The following CACNA1H variants were observed in gnomAD, a reference collection of about 807,000 sequenced individuals.
The protein encoded by CACNA1H is calcium voltage-gated channel subunit alpha1 H.
CACNA1H carries 149 observed loss-of-function variants against 192.5 expected under a neutral mutation model. That is an observed-to-expected ratio of 0.77 (90% confidence interval 0.68 to 0.89). CACNA1H has a LOEUF of 0.89. Among genes scored for constraint, CACNA1H ranks in the 40% least tolerant of loss-of-function variants. CACNA1H has a pLI of 0.00. For missense variants in CACNA1H, 4,257 were observed against 3,423.5 expected (o/e 1.24, Z -6.08); for synonymous variants, 2,202 against 1,475.2 (o/e 1.49, Z -11.29).
chr16:1,211,625 C>T lies in CACNA1H; in HGVS notation c.4476+19C>T, dbSNP rs780330955. 5.1e-5 allele frequency: 82 copies of T among 1,608,778 alleles called. No homozygotes were observed. The South Asian group carries it at 5.3e-4, about 10-fold the overall frequency. ...GGGCCAGGTGGGCTGGGCGGCCGGG[C>T]GGGAGCTGGGGGTCTCCAGGACACC... is the stretch of plus-strand genomic sequence containing the variant. On this transcript the variant is annotated intron_variant, in intron 23 of 34. Coordinates refer to ENST00000348261, the MANE Select transcript of CACNA1H (RefSeq NM_021098.3).
rs192945862 is a variant in CACNA1H, at chr16:1,213,404, G to T, written c.4778-376G>T. 2.4e-3 allele frequency among the ~76,000 whole-genome samples: 371 copies of T among 152,190 alleles called. 1 individual carries two copies. The highest frequency in any genetic ancestry group is 8.2e-3 in the African/African-American group (340 of 41,558). On this transcript the variant is annotated intron_variant, in intron 26 of 34. Coordinates refer to ENST00000348261, the MANE Select transcript of CACNA1H (RefSeq NM_021098.3). Reference sequence around the variant, plus strand: ...GCTCCAGGGGGGCGGGCCCTGCCAGGCACCCAGTTGGGATGTGGGGGAGCC... The same window carrying T: ...GCTCCAGGGGGGCGGGCCCTGCCAGTCACCCAGTTGGGATGTGGGGGAGCC...
Position 1,167,782 on chromosome 16 carries a change from A to T in CACNA1H, c.299+13746A>T, listed in dbSNP as rs1264945693. Among the ~76,000 whole-genome samples, 1 of 151,990 alleles carries T rather than the reference A, an allele frequency of 6.6e-6. No homozygotes were observed. The highest frequency in any genetic ancestry group is 2.4e-5 in the African/African-American group (1 of 41,360). ...GACACACCCAGACACGGGAAACGGG[A>T]CACCTGGAGCTGTGGCGCTGGTGTG... On this transcript the variant is annotated intron_variant, in intron 2 of 34. Coordinates refer to ENST00000348261, the MANE Select transcript of CACNA1H (RefSeq NM_021098.3). This position sits in a 1 kb window ranked among gnomAD's most constrained non-coding sequence, Gnocchi z 4.2.
rs1970490772 is a variant in CACNA1H at position 1,221,696 on chromosome 16, T to A, written c.*702T>A. 1 of 1,262,106 alleles carries A rather than the reference T, an allele frequency of 7.9e-7. No homozygotes were observed. Among genetic ancestry groups the A allele is most frequent in the African/African-American group, 1.5e-5 (1 of 66,656 alleles). 78.2% of individuals were successfully genotyped at this position (1,262,106 alleles called of 1,614,324 possible). On this transcript the variant is annotated 3_prime_UTR_variant, in exon 35 of 35. Transcript: ENST00000348261. ...ATTCAGGTTAAATGTTGCAATAATC[T>A]GATGCAGAAGACTCAGCTTCTCAAG...
chr16:1,183,253 G>A (rs1489681431), intron 2 of CACNA1H, among the ~76,000 whole-genome samples: 5 of 152,170 alleles, frequency 3.3e-5, no homozygotes, highest in Admixed American at 6.5e-5. Context: ...GTTCTATTGC[G>A]TCTGATGGCG....
In CACNA1H at chr16:1,201,821, C is replaced by G. The variant is rs368758031; in HGVS notation, c.1371C>G (p.Tyr457Ter). Reference sequence around the variant, plus strand: ...GCTTCTCCGAGCCTGGCAGCTGCTACGAAGAGCTGCTGAAGTACGTGGGCC... The same window carrying G: ...GCTTCTCCGAGCCTGGCAGCTGCTAGGAAGAGCTGCTGAAGTACGTGGGCC... Reference protein sequence around the residue: ...LASFSEPGSCYEELLKYVGHI... With the variant: ...LASFSEPGSC The change falls in exon 9 of 35, where the codon TAC (tyrosine) becomes TAG (stop). Residue 457 changes from tyrosine (Y) to a stop codon, truncating the protein, a stop_gained. Transcript: ENST00000348261. LOFTEE classifies it high-confidence loss of function. The G allele has an allele frequency of 1.3e-6, 2 of 1,581,512 alleles. No individual in the cohort carries two copies. Among genetic ancestry groups the G allele is most frequent in the Non-Finnish European group, 1.7e-6 (2 of 1,164,702 alleles).
At chr16:1,184,944 C>T (rs867096250) in intron 2 of CACNA1H, among the ~76,000 whole-genome samples, 5 of 152,148 alleles carry the variant, frequency 3.3e-5, no homozygotes, top group South Asian at 2.1e-4. Context: ...TTAAAGCGCA[C>T]GGGTTAGCGA....
At position 1,210,365 on chromosome 16, in the gene CACNA1H, C is replaced by CCCCCCCGGGG; in HGVS notation, c.3846-3_3846-2insCCCCGGGGCC. ...CCCACCTCTCACCCGCCCCCGCCCA[C>CCCCCCCGGGG]CCAGGTTCCGCGTCTCCTGCCAGAA... On this transcript the variant is annotated splice_polypyrimidine_tract_variant and splice_region_variant and intron_variant, in intron 18 of 34. Transcript: ENST00000348261. 6.5e-7 allele frequency: 1 copy of CCCCCCCGGGG among 1,530,742 alleles called. No individual in the cohort carries two copies. The highest frequency in any genetic ancestry group is 8.8e-7 in the Non-Finnish European group (1 of 1,137,362). The allele number at this position is 1,530,742 out of a possible 1,614,324, so 94.8% of individuals were successfully genotyped here.
intron 13 of CACNA1H, 53 bp downstream of exon 13, chr16:1,207,171 G>A: frequency 1.3e-6 from 2 of 1,549,380 alleles, no homozygotes; most frequent in Non-Finnish European, 8.8e-7. Context: ...GGTCCCCAGA[G>A]AGGTGGAGGT....
intron 2 of CACNA1H, among the ~76,000 whole-genome samples, chr16:1,172,258 G>A (rs1442388155): frequency 6.6e-6 from 1 of 152,192 alleles, no homozygotes; most frequent in Non-Finnish European, 1.5e-5. Context: ...CAGGGAGTTG[G>A]GGCTGGGGCT....
At chr16:1,203,246 G>A (rs1045392613) in intron 9 of CACNA1H, among the ~76,000 whole-genome samples, 1 of 152,210 alleles carries the variant, frequency 6.6e-6, no homozygotes, top group African/African-American at 2.4e-5. Context: ...GGGCTCCAAA[G>A]ACAGCACGAA....
chr16:1,156,805 C>T (rs376962950), intron 2 of CACNA1H, among the ~76,000 whole-genome samples: 7 of 152,206 alleles, frequency 4.6e-5, no homozygotes, highest in South Asian at 2.1e-4. Flanking sequence ...GGGGAGGGCC[C>T]GCGTTTATCC....
chr16:1,200,828 T>C lies in CACNA1H; in HGVS notation c.1212+20T>C. The C allele has an allele frequency of 3.9e-6, 6 of 1,539,494 alleles. No individual in the cohort carries two copies. The highest frequency in any genetic ancestry group is 5.3e-6 in the Non-Finnish European group (6 of 1,136,572). ...ATCATCGTGAGTGTGGGCGGCAGTG[T>C]TCGCCATGATGGGCCCTGGTGTTAG... On this transcript the variant is annotated intron_variant, in intron 8 of 34. Coordinates refer to ENST00000348261, the MANE Select transcript of CACNA1H (RefSeq NM_021098.3).
intron 16 of CACNA1H, among the ~76,000 whole-genome samples, chr16:1,208,692 C>T (rs1020092135): frequency 3.3e-5 from 5 of 152,184 alleles, no homozygotes; most frequent in Non-Finnish European, 7.4e-5. Flanking sequence ...GACGCCCTAG[C>T]AGGGGAGGAA....
chr16:1,171,575 G>A (rs1187696658), intron 2 of CACNA1H, among the ~76,000 whole-genome samples: 4 of 152,214 alleles, frequency 2.6e-5, no homozygotes, highest in Non-Finnish European at 5.9e-5. Flanking sequence ...GGCTGCCGCA[G>A]AAAACCAGAG....
At chr16:1,178,868 C>T (rs1386780198) in intron 2 of CACNA1H, among the ~76,000 whole-genome samples, 1 of 152,204 alleles carries the variant, frequency 6.6e-6, no homozygotes, top group Non-Finnish European at 1.5e-5. Context: ...GAGGAAGGAC[C>T]GAACGGTGGC....
intron 2 of CACNA1H, among the ~76,000 whole-genome samples, chr16:1,174,540 G>A (rs1307399912): frequency 6.6e-6 from 1 of 152,068 alleles, no homozygotes; most frequent in Non-Finnish European, 1.5e-5. Flanking sequence ...AGGAAGGATG[G>A]GGTCACTGTA....
At chr16:1,171,329 G>C (rs193137593) in intron 2 of CACNA1H, among the ~76,000 whole-genome samples, 2 of 152,170 alleles carry the variant, frequency 1.3e-5, no homozygotes, top group Admixed American at 6.5e-5. Context: ...AGCAGCCCAG[G>C]GGGGTAAGAG....
chr16:1,178,896 G>C (rs1965186772), intron 2 of CACNA1H, among the ~76,000 whole-genome samples: 1 of 152,208 alleles, frequency 6.6e-6, no homozygotes, highest in Non-Finnish European at 1.5e-5. Context: ...CAGCAGGGTG[G>C]CCCCGCGCCC....
intron 2 of CACNA1H, among the ~76,000 whole-genome samples, chr16:1,191,150 C>T (rs1196148621): frequency 1.1e-3 from 104 of 91,530 alleles, no homozygotes; most frequent in African/African-American, 5.8e-3. Context: ...TCTGACTCAG[C>T]AGGCTGGCCT....
Sources: allele counts gnomAD v4.1 joint callset (sites outside exome capture counted in the v4.1 genomes callset), GRCh38; gene constraint gnomAD v4.1.1; non-coding constraint Gnocchi (gnomAD v3.1); transcripts MANE v1.5; gene names NCBI Gene and HGNC (gene_info 2026-07-23, HGNC 2026-07-21).